The following STAB2 variants were observed in gnomAD, a reference collection of about 807,000 sequenced individuals.
STAB2 encodes the protein stabilin-2.
In STAB2, 288 loss-of-function variants were observed where a neutral mutation model predicts 338.1. The ratio of observed to expected loss-of-function variants is 0.85; its 90% confidence interval spans 0.77 to 0.94. The LOEUF is 0.94. Among genes scored for constraint, STAB2 ranks in the 40% least tolerant of loss-of-function variants. The pLI is 0.00. For synonymous variants in STAB2, 1,202 were observed against 1,193.3 expected (o/e 1.01, Z -0.15); for missense variants, 3,141 against 3,210.1 (o/e 0.98, Z 0.52).
At chr12:103,725,596 G>T (rs899920395) in intron 45 of STAB2, among the ~76,000 whole-genome samples, 1 of 151,590 alleles carries the variant, frequency 6.6e-6, no homozygotes, top group African/African-American at 2.4e-5. Flanking sequence ...GTGTGTGCAT[G>T]TGTGTACGTG....
intron 5 of STAB2, among the ~76,000 whole-genome samples, chr12:103,629,137 C>T (rs1488895875): frequency 6.6e-6 from 1 of 152,174 alleles, no homozygotes; most frequent in Non-Finnish European, 1.5e-5. Flanking sequence ...AAAACAGCAG[C>T]CCTGACAGCT....
chr12:103,654,778 GCAC>G (rs1874050402), intron 13 of STAB2, 80 bp downstream of exon 13: 1 of 1,509,760 alleles, frequency 6.6e-7, no homozygotes, highest in African/African-American at 1.4e-5. Flanking sequence ...GAGCATGCCA[GCAC>G]TCTGTGCTTG....
At chr12:103,589,280 G>A (rs1956760968) in intron 1 of STAB2, among the ~76,000 whole-genome samples, 1 of 152,162 alleles carries the variant, frequency 6.6e-6, no homozygotes, top group South Asian at 2.1e-4. Flanking sequence ...TGAGCTGTGG[G>A]ATAATACAGA....
intron 3 of STAB2, among the ~76,000 whole-genome samples, chr12:103,619,751 C>T (rs116159759): frequency 0.039 from 5,787 of 149,012 alleles, 247 homozygotes; most frequent in East Asian, 0.18. Flanking sequence ...TCAGCAACGC[C>T]CCCCGCCCCC....
At chr12:103,699,262 A>C (rs1878659881) in intron 34 of STAB2, 35 bp downstream of exon 34, 4 of 1,586,176 alleles carry the variant, frequency 2.5e-6, no homozygotes, top group African/African-American at 1.3e-5. Context: ...CAGCAATGCC[A>C]CCGAGAATTA....
rs745438564 is a variant in STAB2 at position 103,755,631 on chromosome 12, G to A, written c.6900G>A (p.Lys2300=). 1.7e-5 allele frequency: 27 copies of A among 1,614,060 alleles called. No homozygotes were observed. In the South Asian group the frequency reaches 2.9e-4, roughly 17 times the overall value. The change falls in exon 63 of 69, where the codon AAG becomes AAA. Residue 2300 remains lysine (K), a synonymous_variant. Transcript: ENST00000388887. ...YRMKDVNCTC[K]VGYVGDGFSC... is the part of the protein sequence containing the mutation. Reference sequence around the variant, plus strand: ...CTCCAGATGTGAACTGCACCTGCAAGGTGGGCTATGTGGGAGATGGCTTCT... The same window carrying A: ...CTCCAGATGTGAACTGCACCTGCAAAGTGGGCTATGTGGGAGATGGCTTCT...
chr12:103,598,366 G>C (rs1051104446), intron 3 of STAB2, among the ~76,000 whole-genome samples: 2 of 152,188 alleles, frequency 1.3e-5, no homozygotes, highest in Non-Finnish European at 2.9e-5. Flanking sequence ...CTGATTTGCT[G>C]ACAGCTTATA....
At chr12:103,692,957 C>A in intron 31 of STAB2, 68 bp downstream of exon 31, 1 of 1,317,468 alleles carries the variant, frequency 7.6e-7, no homozygotes, top group Non-Finnish European at 1.1e-6. Context: ...TCCTATACAG[C>A]ATTTTTTTTT....
At chr12:103,692,767 G>T in intron 30 of STAB2, 45 bp from the exon 31 acceptor site, 2 of 1,517,112 alleles carry the variant, frequency 1.3e-6, no homozygotes, top group Non-Finnish European at 1.8e-6. Context: ...ATCCCAAGGT[G>T]CGCTCTATAA....
intron 63 of STAB2, 105 bp from the exon 64 acceptor site, chr12:103,758,065 C>T: frequency 2.6e-6 from 4 of 1,530,426 alleles, no homozygotes; most frequent in Non-Finnish European, 3.5e-6. Context: ...AGTTGGCTCA[C>T]ACCATGAATA....
rs1873824788 is a variant in STAB2, at chr12:103,652,583, G to A, written c.1285G>A (p.Ala429Thr). 1.3e-6 allele frequency: 2 copies of A among 1,594,680 alleles called. No individual in the cohort carries two copies. Among genetic ancestry groups the A allele is most frequent in the South Asian group, 2.4e-5 (2 of 84,950 alleles). Residue 429 changes from alanine (A) to threonine (T), a missense_variant, in exon 12 of 69, where the codon GCT (alanine) becomes ACT (threonine). By Grantham distance (58) the Ala-to-Thr change is moderately conservative. Coordinates refer to ENST00000388887, the MANE Select transcript of STAB2 (RefSeq NM_017564.10). ...NVNELLVDNK[A>T]AQYFVKLHII... ...AAATGAGCTTTTGGTGGATAATAAA[G>A]CTGCTCAATACTTTGTGAAACTCCA...
chr12:103,677,565 G>A lies in STAB2; in HGVS notation c.2759G>A (p.Gly920Asp), dbSNP rs1876500433. ...AACAACTGCCTGCTGCCCAGTGCAG[G>A]CGGCTGCCACGACAACGCATCCTGT... ...EINNCLLPSA[G>D]GCHDNASCLY... The change falls in exon 25 of 69, where the codon GGC (glycine) becomes GAC (aspartate). Residue 920 changes from glycine to aspartate, a missense_variant. Physicochemically the swap from Gly to Asp is moderately conservative, Grantham distance 94 (BLOSUM62 -1). Transcript: ENST00000388887. 1.9e-6 allele frequency: 3 copies of A among 1,614,118 alleles called. No individual in the cohort carries two copies. The highest frequency in any genetic ancestry group is 2.2e-5 in the South Asian group (2 of 91,088).
Position 103,707,271 on chromosome 12 carries a change from C to G in STAB2, c.4192+284C>G, listed in dbSNP as rs188501154. ...GCGTTTTTATATTTGCCTATGCACA[C>G]TAATCATCACGGCTAAACTTTCCAT... On this transcript the variant is annotated intron_variant, in intron 38 of 68. Transcript: ENST00000388887. Among the ~76,000 whole-genome samples the G allele has an allele frequency of 1.4e-4, 22 of 152,354 alleles. No individual in the cohort carries two copies. The East Asian group carries it at 3.3e-3, about 23-fold the overall frequency.
At position 103,723,142 on chromosome 12, in the gene STAB2, G is replaced by A. The variant is rs181931296; in HGVS notation, c.4684-1833G>A. On this transcript the variant is annotated intron_variant, in intron 44 of 68. Coordinates refer to ENST00000388887, the MANE Select transcript of STAB2 (RefSeq NM_017564.10). The stretch of plus-strand genomic sequence containing the variant: ...TGGGGCTCATCAACTAAGATGAGAG[G>A]ACAGTAATTGAGAGTTGAGAAAGGT... 4.6e-5 allele frequency among the ~76,000 whole-genome samples: 7 copies of A among 152,280 alleles called. No individual in the cohort carries two copies. The East Asian group carries it at 1.2e-3, about 25-fold the overall frequency.
In STAB2 at chr12:103,690,511, C is replaced by G; in HGVS notation, c.3270C>G (p.Asn1090Lys). ...TGTTGGCAACATCTTTGCAGGGCAA[C>G]TTCCTTCACTTGGCAAAGGTGGATG... ...SDMLATSLQG[N>K]FLHLAKVDGN... Residue 1090 changes from asparagine (N) to lysine (K), a missense_variant, in exon 30 of 69, where the codon AAC becomes AAG. Coordinates refer to ENST00000388887, the MANE Select transcript of STAB2 (RefSeq NM_017564.10). 6.2e-7 allele frequency: 1 copy of G among 1,614,112 alleles called. No homozygotes were observed. The highest frequency in any genetic ancestry group is 8.5e-7 in the Non-Finnish European group (1 of 1,179,960).
chr12:103,622,306 C>A (rs1957314325), intron 5 of STAB2, among the ~76,000 whole-genome samples, 195 bp downstream of exon 5: 1 of 152,160 alleles, frequency 6.6e-6, no homozygotes. Context: ...AGCAGATTCA[C>A]AGAGACTCAG....
intron 31 of STAB2, among the ~76,000 whole-genome samples, chr12:103,695,077 C>G (rs1878282323): frequency 6.6e-6 from 1 of 152,098 alleles, no homozygotes; most frequent in African/African-American, 2.4e-5. Context: ...TTTTACAAGC[C>G]AGATTCAGGC....
intron 50 of STAB2, among the ~76,000 whole-genome samples, 182 bp downstream of exon 50, chr12:103,731,817 A>G (rs1430232399): frequency 1.3e-5 from 2 of 152,200 alleles, no homozygotes; most frequent in African/African-American, 2.4e-5. Context: ...AGAATGTTAT[A>G]TGGCTTGTTG....
Position 103,677,504 on chromosome 12 carries a change from G to A in STAB2, c.2698G>A (p.Gly900Ser), listed in dbSNP as rs1876492878. Residue 900 changes from glycine (G) to serine (S), a missense_variant, in exon 25 of 69, where the codon GGT becomes AGT. By Grantham distance (56) the Gly-to-Ser change is moderately conservative. Coordinates refer to ENST00000388887, the MANE Select transcript of STAB2 (RefSeq NM_017564.10). ...CACCCACACCTGCGTGTGTCAGCAGGGTTGGACAGGGAATGGGAGAGACTG... is the reference window on the plus strand; with the variant it reads ...CACCCACACCTGCGTGTGTCAGCAGAGTTGGACAGGGAATGGGAGAGACTG... ...TGTHTCVCQQ[G>S]WTGNGRDCSE... 1 of 1,614,044 alleles carries A rather than the reference G, an allele frequency of 6.2e-7. No homozygotes were observed. The highest frequency in any genetic ancestry group is 1.3e-5 in the African/African-American group (1 of 74,938).
Sources: allele counts gnomAD v4.1 joint callset (sites outside exome capture counted in the v4.1 genomes callset), GRCh38; gene constraint gnomAD v4.1.1; transcripts MANE v1.5; gene names NCBI Gene and HGNC (gene_info 2026-07-23, HGNC 2026-07-21).